MAGI1: variants seen among roughly 807,000 people sequenced by gnomAD.
The protein encoded by MAGI1 is membrane-associated guanylate kinase, WW and PDZ domain-containing protein 1.
Under a neutral mutation model 139.9 loss-of-function variants are expected in MAGI1, and 58 were observed. The ratio of observed to expected loss-of-function variants is 0.41; its 90% CI spans 0.34 to 0.52. The LOEUF (loss-of-function observed/expected upper bound fraction) is 0.52. Among genes scored for constraint, MAGI1 ranks in the 20% least tolerant of loss-of-function variants. MAGI1 has a pLI of 0.12. For missense variants in MAGI1, 1,874 were observed against 1,901.6 expected (o/e 0.99, Z 0.27); for synonymous variants, 812 against 737.9 (o/e 1.10, Z -1.63).
chr3:65,878,746 G>A (rs2060216449), intron 1 of MAGI1, among the ~76,000 whole-genome samples: 1 of 152,116 alleles, frequency 6.6e-6, no homozygotes, highest in Non-Finnish European at 1.5e-5. Flanking sequence ...CTTCAATGCT[G>A]TCTGCTGGTT....
At position 65,750,093 on chromosome 3, in the gene MAGI1, T is replaced by A. The variant is rs538380607; in HGVS notation, c.314-128005A>T. Among the ~76,000 whole-genome samples, 8 of 152,234 alleles carry A rather than the reference T, an allele frequency of 5.3e-5. No individual in the cohort carries two copies. The East Asian group carries it at 1.5e-3, about 29-fold the overall frequency. ...AAGGGGTTCCTGAGGGTGCTGAGGC[T>A]GGGACACATTCTGCAAATTAAAACC... On this transcript the variant is annotated intron_variant, in intron 1 of 22. Transcript: ENST00000402939.
At chr3:65,733,528 G>A (rs2034406175) in intron 1 of MAGI1, among the ~76,000 whole-genome samples, 1 of 152,114 alleles carries the variant, frequency 6.6e-6, no homozygotes, top group Non-Finnish European at 1.5e-5. Context: ...ATCTGTCAGT[G>A]GCAACTGCAA....
At chr3:65,695,091 T>A (rs1467383622) in intron 1 of MAGI1, among the ~76,000 whole-genome samples, 1 of 152,168 alleles carries the variant, frequency 6.6e-6, no homozygotes, top group Non-Finnish European at 1.5e-5. Flanking sequence ...AATAATCTTA[T>A]TAATACACAA....
At chr3:65,896,364 G>A (rs2060970598) in intron 1 of MAGI1, among the ~76,000 whole-genome samples, 1 of 148,980 alleles carries the variant, frequency 6.7e-6, no homozygotes, top group Non-Finnish European at 1.5e-5. Flanking sequence ...GGACAATTTA[G>A]TTATATGTGG....
chr3:65,757,469 C>T (rs1198495264), intron 1 of MAGI1, among the ~76,000 whole-genome samples: 1 of 152,158 alleles, frequency 6.6e-6, no homozygotes, highest in Non-Finnish European at 1.5e-5. Flanking sequence ...GAAATCCCAT[C>T]TCTACTAAAA....
intron 2 of MAGI1, among the ~76,000 whole-genome samples, chr3:65,601,378 C>G (rs974474965): frequency 2.6e-5 from 4 of 151,966 alleles, no homozygotes; most frequent in African/African-American, 9.7e-5. Flanking sequence ...AAAGGGAAAG[C>G]AAAAATTCAT....
At chr3:65,817,413 G>A (rs12635056) in intron 1 of MAGI1, among the ~76,000 whole-genome samples, 93,577 of 152,010 alleles carry the variant, frequency 0.62, 29,367 homozygotes, top group East Asian at 0.93. Flanking sequence ...CAAAAAAGAA[G>A]ACATCATTTA....
chr3:65,406,175 C>G (rs1945325664), intron 12 of MAGI1, among the ~76,000 whole-genome samples: 1 of 151,902 alleles, frequency 6.6e-6, no homozygotes, highest in Non-Finnish European at 1.5e-5. Flanking sequence ...TTAAAGAACC[C>G]TCATAGATTA....
At chr3:66,030,823 T>C (rs751736951) in intron 1 of MAGI1, among the ~76,000 whole-genome samples, 13 of 152,210 alleles carry the variant, frequency 8.5e-5, no homozygotes, top group Non-Finnish European at 1.8e-4. Context: ...ATTATTCCAT[T>C]ATGTAATTAC....
intron 1 of MAGI1, among the ~76,000 whole-genome samples, chr3:65,902,431 A>G (rs1559994442): frequency 6.6e-6 from 1 of 152,208 alleles, no homozygotes; most frequent in Non-Finnish European, 1.5e-5. Context: ...GCCCCTAGAC[A>G]CGGACTTGAG....
At chr3:65,808,590 G>C (rs886363360) in intron 1 of MAGI1, among the ~76,000 whole-genome samples, 3 of 152,188 alleles carry the variant, frequency 2.0e-5, no homozygotes, top group Non-Finnish European at 2.9e-5. Flanking sequence ...TGATTTTATG[G>C]GTCAAGGGAC....
At chr3:65,875,684 C>A (rs1454512672) in intron 1 of MAGI1, among the ~76,000 whole-genome samples, 1 of 152,140 alleles carries the variant, frequency 6.6e-6, no homozygotes, top group African/African-American at 2.4e-5. Flanking sequence ...CCCTTCCAGC[C>A]CTACTATATC....
At chr3:65,875,543 A>G (rs1047177742) in intron 1 of MAGI1, among the ~76,000 whole-genome samples, 1 of 152,188 alleles carries the variant, frequency 6.6e-6, no homozygotes, top group Non-Finnish European at 1.5e-5. Context: ...ACTATGACCA[A>G]TGTCAGAGGT....
chr3:65,500,733 A>C, intron 2 of MAGI1, among the ~76,000 whole-genome samples: 1 of 152,222 alleles, frequency 6.6e-6, no homozygotes, highest in African/African-American at 2.4e-5. Context: ...AAATGGTCTT[A>C]TGGCCAGACT....
intron 12 of MAGI1, among the ~76,000 whole-genome samples, chr3:65,419,930 C>T (rs762352430): frequency 6.6e-6 from 1 of 152,060 alleles, no homozygotes; most frequent in Non-Finnish European, 1.5e-5. Flanking sequence ...AAGTGTGTCC[C>T]CCCACTTTAC....
intron 2 of MAGI1, among the ~76,000 whole-genome samples, chr3:65,503,784 T>C (rs924439796): frequency 4.6e-5 from 7 of 152,192 alleles, no homozygotes; most frequent in Admixed American, 4.6e-4. Flanking sequence ...AAGCATCTGA[T>C]CTGGTTTTCA....
chr3:65,579,795 G>A (rs2081333715), intron 2 of MAGI1, among the ~76,000 whole-genome samples: 1 of 145,936 alleles, frequency 6.9e-6, no homozygotes, highest in Non-Finnish European at 1.5e-5. Context: ...TGCAGTAGGC[G>A]AAGATCACGC....
At chr3:65,463,462 G>A (rs1206156387) in intron 5 of MAGI1, among the ~76,000 whole-genome samples, 1 of 152,012 alleles carries the variant, frequency 6.6e-6, no homozygotes, top group African/African-American at 2.4e-5. Flanking sequence ...TGACTTGATC[G>A]TGGTGGATAA....
At chr3:65,451,943 C>T (rs368189151) in intron 6 of MAGI1, among the ~76,000 whole-genome samples, 1 of 152,142 alleles carries the variant, frequency 6.6e-6, no homozygotes, top group South Asian at 2.1e-4. Flanking sequence ...CCACACCATG[C>T]CTGGCCAGTT....
Sources: allele counts gnomAD v4.1 joint callset (sites outside exome capture counted in the v4.1 genomes callset), GRCh38; gene constraint gnomAD v4.1.1; transcripts MANE v1.5; gene names NCBI Gene and HGNC (gene_info 2026-07-23, HGNC 2026-07-21).